CNTNAP2: variants seen among roughly 807,000 people sequenced by gnomAD.
CNTNAP2 encodes the protein contactin associated protein 2.
A neutral mutation model predicts 155.2 loss-of-function variants in CNTNAP2; 98 were observed. That is an observed-to-expected ratio of 0.63 (90% confidence interval 0.54 to 0.75). The LOEUF is 0.75. Among genes scored for constraint, CNTNAP2 ranks in the 30% least tolerant of loss-of-function variants. The pLI, the probability that CNTNAP2 is intolerant of heterozygous loss-of-function variation, is 0.00. For missense variants in CNTNAP2, 1,727 were observed against 1,688.1 expected, an observed-to-expected ratio of 1.02 and a Z score of -0.40; for synonymous variants, 651 against 631.2, an observed-to-expected ratio of 1.03 and a Z score of -0.47.
intron 13 of CNTNAP2, among the ~76,000 whole-genome samples, chr7:147,803,619 C>T (rs542947898): frequency 6.6e-6 from 1 of 152,288 alleles, no homozygotes; most frequent in East Asian, 1.9e-4. Flanking sequence ...CCTGGATTTC[C>T]TCTGGGGCTG....
At chr7:147,946,764 G>A (rs1016197852) in intron 14 of CNTNAP2, among the ~76,000 whole-genome samples, 2 of 152,118 alleles carry the variant, frequency 1.3e-5, no homozygotes, top group Non-Finnish European at 2.9e-5. Flanking sequence ...TTACAAAGAA[G>A]CATGTTGAAT....
intron 12 of CNTNAP2, among the ~76,000 whole-genome samples, chr7:147,565,509 C>T (rs577419644): frequency 6.6e-6 from 1 of 152,238 alleles, no homozygotes; most frequent in South Asian, 2.1e-4. Flanking sequence ...ACATTGGGAC[C>T]AGCTCTGAAG....
At chr7:146,843,596 C>CA (rs10639255) in intron 3 of CNTNAP2, among the ~76,000 whole-genome samples, 45,827 of 126,382 alleles carry the variant, frequency 0.36, 8,058 homozygotes, top group Middle Eastern at 0.49. Context: ...CTTACTAATA[C>CA]AAAAAAAAAA....
chr7:147,044,231 A>T (rs780564784), intron 4 of CNTNAP2, among the ~76,000 whole-genome samples, 177 bp downstream of exon 4: 2 of 151,992 alleles, frequency 1.3e-5, no homozygotes, highest in Non-Finnish European at 2.9e-5. Context: ...TTGTGTCTCT[A>T]TTTGCATGTT....
intron 12 of CNTNAP2, among the ~76,000 whole-genome samples, chr7:147,598,210 A>T (rs1584842931): frequency 6.6e-6 from 1 of 151,612 alleles, no homozygotes; most frequent in African/African-American, 2.4e-5. Context: ...ACATGTGCAG[A>T]ACGTGCAGGT....
intron 15 of CNTNAP2, among the ~76,000 whole-genome samples, chr7:147,997,325 G>A (rs1370739250): frequency 2.0e-5 from 3 of 151,964 alleles, no homozygotes; most frequent in South Asian, 2.1e-4. Flanking sequence ...AGGCCGAGGC[G>A]GGTGGATGAC....
At chr7:146,532,974 T>C (rs801936) in intron 1 of CNTNAP2, among the ~76,000 whole-genome samples, 67,606 of 151,172 alleles carry the variant, frequency 0.45, 17,139 homozygotes, top group African/African-American at 0.7. Context: ...TGGTGGTGTG[T>C]GCCTGTAATC....
intron 1 of CNTNAP2, among the ~76,000 whole-genome samples, chr7:146,567,495 C>G (rs913884426): frequency 6.6e-6 from 1 of 151,994 alleles, no homozygotes; most frequent in Non-Finnish European, 1.5e-5. Flanking sequence ...ATCTTCATTG[C>G]ATTTGATGAA....
Position 146,560,790 on chromosome 7 carries a change from G to A in CNTNAP2, c.98-213481G>A, listed in dbSNP as rs116086384. On this transcript the variant is annotated intron_variant, in intron 1 of 23. Coordinates refer to ENST00000361727, the MANE Select transcript of CNTNAP2 (RefSeq NM_014141.6). ...CCACTTCCATTGCCTATCTCCAGCC[G>A]CATCTAGTACTTCTCTCTATTCCAA... 7.0e-3 allele frequency among the ~76,000 whole-genome samples: 1,067 copies of A among 152,098 alleles called. 15 individuals are homozygous for A. The highest frequency in any genetic ancestry group is 0.024 in the African/African-American group (1,004 of 41,476).
At chr7:147,667,666 T>C (rs538028654) in intron 13 of CNTNAP2, among the ~76,000 whole-genome samples, 10 of 152,184 alleles carry the variant, frequency 6.6e-5, no homozygotes, top group Non-Finnish European at 1.5e-4. Context: ...ATTGGTGATC[T>C]CCATCCCAAT....
chr7:148,368,367 G>GT (rs1222633585), intron 21 of CNTNAP2, among the ~76,000 whole-genome samples: 65 of 152,192 alleles, frequency 4.3e-4, no homozygotes, highest in Admixed American at 4.3e-3. Context: ...CTTTCTAGAA[G>GT]TAGCTCCCAG....
intron 12 of CNTNAP2, among the ~76,000 whole-genome samples, chr7:147,609,862 G>T (rs1421930083): frequency 6.6e-6 from 1 of 152,016 alleles, no homozygotes; most frequent in Non-Finnish European, 1.5e-5. Context: ...AGGTAGAGTG[G>T]ATATAGTCAA....
At chr7:146,952,165 C>G (rs1797328645) in intron 3 of CNTNAP2, among the ~76,000 whole-genome samples, 2 of 152,054 alleles carry the variant, frequency 1.3e-5, no homozygotes, top group South Asian at 4.1e-4. Context: ...TAAACAGAAC[C>G]AATGAGAAAA....
chr7:146,524,545 T>C (rs1224311070), intron 1 of CNTNAP2, among the ~76,000 whole-genome samples: 2 of 152,148 alleles, frequency 1.3e-5, no homozygotes, highest in Non-Finnish European at 2.9e-5. Context: ...TTCTGTTTTA[T>C]TTGTTTGTTT....
intron 1 of CNTNAP2, among the ~76,000 whole-genome samples, chr7:146,656,807 A>G (rs908781018): frequency 1.3e-5 from 2 of 152,220 alleles, no homozygotes; most frequent in Non-Finnish European, 2.9e-5. Context: ...AATATTTACT[A>G]CTAGAATGAT....
Position 147,367,836 on chromosome 7 carries a change from T to C in CNTNAP2, c.1499-27773T>C, listed in dbSNP as rs1181215223. On this transcript the variant is annotated intron_variant, in intron 9 of 23. Transcript: ENST00000361727. ...TGAGAAGCCTGAAAAGTGGGAATCC[T>C]AGATTTGGTTAATGCCATGGACCAT... Among the ~76,000 whole-genome samples the C allele has an allele frequency of 2.0e-5, 3 of 152,160 alleles. No individual in the cohort carries two copies. The East Asian group carries it at 5.8e-4, about 30-fold the overall frequency.
At chr7:147,143,967 C>T (rs1192099176) in intron 8 of CNTNAP2, among the ~76,000 whole-genome samples, 2 of 151,924 alleles carry the variant, frequency 1.3e-5, no homozygotes, top group Non-Finnish European at 2.9e-5. Context: ...ATGATTAAAA[C>T]TAATTTAGTT....
At chr7:148,414,076 C>A (rs10248122) in intron 23 of CNTNAP2, among the ~76,000 whole-genome samples, 81,858 of 142,528 alleles carry the variant, frequency 0.57, 23,688 homozygotes, top group South Asian at 0.64. Context: ...TTTTCTTTTT[C>A]CATTTTTTTT....
At chr7:146,944,411 CTG>C (rs1415642486) in intron 3 of CNTNAP2, among the ~76,000 whole-genome samples, 2 of 151,552 alleles carry the variant, frequency 1.3e-5, no homozygotes, top group African/African-American at 2.4e-5. Context: ...AATCTTAATT[CTG>C]TGTTATATCT....
Sources: allele counts gnomAD v4.1 joint callset (sites outside exome capture counted in the v4.1 genomes callset), GRCh38; gene constraint gnomAD v4.1.1; transcripts MANE v1.5; gene names NCBI Gene and HGNC (gene_info 2026-07-23, HGNC 2026-07-21).